The following LAMC1 variants were observed in gnomAD, a reference collection of about 807,000 sequenced individuals.
The protein encoded by LAMC1 is laminin subunit gamma 1, also known as laminin subunit gamma-1.
In LAMC1, 38 loss-of-function variants were observed where a neutral mutation model predicts 173.6. The ratio of observed to expected loss-of-function variants is 0.22; its 90% CI spans 0.17 to 0.29. LAMC1 has a LOEUF of 0.29. Among genes scored for constraint, LAMC1 ranks in the 10% least tolerant of loss-of-function variants. LAMC1 has a pLI of 1.00. For synonymous variants in LAMC1, 746 were observed against 749.1 expected, an observed-to-expected ratio of 1.00 and a Z score of 0.07; for missense variants, 1,824 against 2,051.8, an observed-to-expected ratio of 0.89 and a Z score of 2.14.
At chr1:183,043,836 C>G (rs1173159429) in intron 1 of LAMC1, among the ~76,000 whole-genome samples, 3 of 152,100 alleles carry the variant, frequency 2.0e-5, no homozygotes, top group Non-Finnish European at 2.9e-5. Flanking sequence ...TACTACCATG[C>G]ATAGTTTTGT....
Position 183,135,101 on chromosome 1 carries a change from A to G in LAMC1, c.4059A>G (p.Ala1353=), listed in dbSNP as rs770735739. ...CCAAGGCCCTCGCTGAAGAAGCTGC[A>G]AAGAAGGGACGGGATACCTTACAAG... The part of the protein sequence containing the change: ...DAAKALAEEA[A]KKGRDTLQEA... The change falls in exon 24 of 28, where the codon GCA becomes GCG. Residue 1353 remains alanine (A), a synonymous_variant. Transcript: ENST00000258341. 4 of 1,614,198 alleles carry G rather than the reference A, an allele frequency of 2.5e-6. No individual in the cohort carries two copies. The highest frequency in any genetic ancestry group is 3.4e-6 in the Non-Finnish European group (4 of 1,180,008).
chr1:183,094,546 T>TG (rs1406530263), intron 1 of LAMC1, among the ~76,000 whole-genome samples: 2 of 152,196 alleles, frequency 1.3e-5, no homozygotes, highest in Admixed American at 6.5e-5. Flanking sequence ...ACATAGTAGG[T>TG]TTTCAGTAAA....
chr1:183,100,455 C>G (rs966527851), intron 1 of LAMC1, among the ~76,000 whole-genome samples: 1 of 152,212 alleles, frequency 6.6e-6, no homozygotes, highest in Non-Finnish European at 1.5e-5. Flanking sequence ...TTCTGTAGTT[C>G]TAGCTACCCT....
chr1:183,031,838 G>C (rs1423227055), intron 1 of LAMC1, among the ~76,000 whole-genome samples: 1 of 151,872 alleles, frequency 6.6e-6, no homozygotes, highest in African/African-American at 2.4e-5. Context: ...CTTTGCCTTG[G>C]TTGCTTGCTA....
At chr1:183,028,775 CT>C (rs1193543564) in intron 1 of LAMC1, among the ~76,000 whole-genome samples, 7 of 152,332 alleles carry the variant, frequency 4.6e-5, no homozygotes, top group African/African-American at 1.7e-4. Context: ...AGATTCCTCT[CT>C]TTTCATGCTG....
At chr1:183,093,754 C>G (rs1351581666) in intron 1 of LAMC1, among the ~76,000 whole-genome samples, 1 of 152,178 alleles carries the variant, frequency 6.6e-6, no homozygotes, top group African/African-American at 2.4e-5. Context: ...CTCTCCATCC[C>G]CCCATGGCTG....
chr1:183,092,941 C>T (rs886922726), intron 1 of LAMC1, among the ~76,000 whole-genome samples: 1 of 152,118 alleles, frequency 6.6e-6, no homozygotes, highest in Non-Finnish European at 1.5e-5. Context: ...TGTTCTTGAA[C>T]ACCCCTTTCC....
chr1:183,092,439 A>AT (rs1345601101), intron 1 of LAMC1, among the ~76,000 whole-genome samples: 1 of 152,102 alleles, frequency 6.6e-6, no homozygotes, highest in African/African-American at 2.4e-5. Context: ...AAAAAAAAAA[A>AT]ATACAGAGTT....
intron 13 of LAMC1, 40 bp downstream of exon 13, chr1:183,122,291 T>C (rs912377491): frequency 1.4e-5 from 22 of 1,586,274 alleles, no homozygotes; most frequent in Non-Finnish European, 1.9e-5. Flanking sequence ...TGTTCCCTTC[T>C]ATAAAAAGAC....
chr1:183,060,209 T>C (rs145530494), intron 1 of LAMC1, among the ~76,000 whole-genome samples: 417 of 152,276 alleles, frequency 2.7e-3, no homozygotes, highest in Non-Finnish European at 4.9e-3. Flanking sequence ...ACTTGCTCCT[T>C]GCAATCCATT....
At chr1:183,091,590 A>T (rs1408260442) in intron 1 of LAMC1, among the ~76,000 whole-genome samples, 5 of 152,206 alleles carry the variant, frequency 3.3e-5, no homozygotes, top group Non-Finnish European at 7.3e-5. Flanking sequence ...TTAAATACCT[A>T]AAATTTCTTC....
chr1:183,075,415 G>A (rs886342212), intron 1 of LAMC1, among the ~76,000 whole-genome samples: 5 of 152,088 alleles, frequency 3.3e-5, no homozygotes, highest in Admixed American at 6.6e-5. Flanking sequence ...CGCGCCCAGC[G>A]TATCTGATGT....
intron 1 of LAMC1, among the ~76,000 whole-genome samples, chr1:183,090,339 A>G (rs1389923087): frequency 1.3e-5 from 2 of 152,218 alleles, no homozygotes; most frequent in African/African-American, 4.8e-5. Flanking sequence ...TAATTTAATC[A>G]GGAACACAAG....
intron 13 of LAMC1, 111 bp from the exon 14 acceptor site, chr1:183,124,520 C>T: frequency 1.0e-5 from 14 of 1,337,248 alleles, no homozygotes; most frequent in Middle Eastern, 2.0e-4. Flanking sequence ...TCCACTGCAC[C>T]ATGTCTTCTC....
intron 1 of LAMC1, among the ~76,000 whole-genome samples, chr1:183,086,806 A>G (rs1271327088): frequency 1.3e-5 from 2 of 152,160 alleles, no homozygotes; most frequent in Non-Finnish European, 2.9e-5. Context: ...ATCAGCTGAT[A>G]TTTCATGTCT....
chr1:183,081,119 C>T (rs1014071915), intron 1 of LAMC1, among the ~76,000 whole-genome samples: 5 of 151,830 alleles, frequency 3.3e-5, no homozygotes, highest in African/African-American at 7.3e-5. Flanking sequence ...GAACCCCTGA[C>T]CACGTGATCC....
intron 1 of LAMC1, among the ~76,000 whole-genome samples, chr1:183,067,703 G>A (rs1429690593): frequency 1.3e-5 from 2 of 152,020 alleles, no homozygotes. Context: ...TATTGGCCAG[G>A]CTGGTGTCAA....
At chr1:183,122,540 T>C (rs900452256) in intron 13 of LAMC1, among the ~76,000 whole-genome samples, 4 of 152,162 alleles carry the variant, frequency 2.6e-5, no homozygotes, top group African/African-American at 9.7e-5. Context: ...TCTATATCTA[T>C]GATAGCTAAG....
chr1:183,091,885 T>C (rs1256113403), intron 1 of LAMC1, among the ~76,000 whole-genome samples: 1 of 152,202 alleles, frequency 6.6e-6, no homozygotes, highest in Non-Finnish European at 1.5e-5. Context: ...TTACAGGGAA[T>C]CTTGACCAGT....
Sources: allele counts gnomAD v4.1 joint callset (sites outside exome capture counted in the v4.1 genomes callset), GRCh38; gene constraint gnomAD v4.1.1; transcripts MANE v1.5; gene names NCBI Gene and HGNC (gene_info 2026-07-23, HGNC 2026-07-21).